Variants in STX8 observed in about 807,000 individuals in gnomAD.
The protein encoded by STX8 is syntaxin-8.
A neutral mutation model predicts 37.5 loss-of-function variants in STX8; 23 were observed. The ratio of observed to expected loss-of-function variants is 0.61; its 90% confidence interval spans 0.44 to 0.87. The LOEUF (loss-of-function observed/expected upper bound fraction) is 0.87, where lower values mean the gene tolerates loss of function less well. Ranked by LOEUF, STX8 falls within the 40% of genes least tolerant of loss-of-function variation. The pLI is 0.00. For missense variants in STX8, 313 were observed against 284.7 expected (o/e 1.10, Z -0.71); for synonymous variants, 115 against 99.1 (o/e 1.16, Z -0.95).
At chr17:9,427,254 C>T (rs1913669467) in intron 6 of STX8, among the ~76,000 whole-genome samples, 1 of 152,088 alleles carries the variant, frequency 6.6e-6, no homozygotes, top group African/African-American at 2.4e-5. Context: ...TCTATCACAC[C>T]ATGTCACAGG....
At chr17:9,368,604 C>T (rs1250067741) in intron 7 of STX8, among the ~76,000 whole-genome samples, 2 of 152,226 alleles carry the variant, frequency 1.3e-5, no homozygotes, top group African/African-American at 4.8e-5. Context: ...TGCCCCTCCA[C>T]ACCTCTCTTC....
intron 6 of STX8, among the ~76,000 whole-genome samples, chr17:9,485,041 C>A (rs1906523719): frequency 6.6e-6 from 1 of 152,156 alleles, no homozygotes; most frequent in Admixed American, 6.5e-5. Flanking sequence ...GTGGTCCCGG[C>A]TACTGAGGAG....
intron 6 of STX8, among the ~76,000 whole-genome samples, chr17:9,438,310 C>A (rs1597672322): frequency 6.6e-6 from 1 of 150,824 alleles, no homozygotes; most frequent in Non-Finnish European, 1.5e-5. Flanking sequence ...CAACACACTA[C>A]CCCCCTCCCC....
chr17:9,258,746 C>G (rs930991438), intron 7 of STX8, among the ~76,000 whole-genome samples: 2 of 152,224 alleles, frequency 1.3e-5, no homozygotes, highest in Non-Finnish European at 1.5e-5. Flanking sequence ...TTTTCTTTCT[C>G]TGTATTGTGG....
At chr17:9,382,287 A>C (rs1419130804) in intron 6 of STX8, among the ~76,000 whole-genome samples, 1 of 152,208 alleles carries the variant, frequency 6.6e-6, no homozygotes, top group African/African-American at 2.4e-5. Context: ...GGAAAGGGGT[A>C]AAGAGGAACA....
intron 7 of STX8, among the ~76,000 whole-genome samples, chr17:9,331,543 C>G (rs1304567135): frequency 2.0e-5 from 3 of 152,108 alleles, no homozygotes; most frequent in Admixed American, 6.5e-5. Context: ...AAAGCAGGAC[C>G]GAGGCCGGGT....
intron 5 of STX8, among the ~76,000 whole-genome samples, chr17:9,497,386 G>A (rs1904446354): frequency 6.6e-6 from 1 of 152,198 alleles, no homozygotes; most frequent in Admixed American, 6.5e-5. Context: ...TTCCAAAACA[G>A]TATTTATCTT....
At chr17:9,519,247 C>T (rs995636789) in intron 4 of STX8, among the ~76,000 whole-genome samples, 1 of 152,144 alleles carries the variant, frequency 6.6e-6, no homozygotes, top group African/African-American at 2.4e-5. Flanking sequence ...GGTATTCCTC[C>T]CCAAACTCAA....
At chr17:9,533,883 G>C (rs990263737) in intron 4 of STX8, among the ~76,000 whole-genome samples, 2 of 152,082 alleles carry the variant, frequency 1.3e-5, no homozygotes, top group African/African-American at 4.8e-5. Flanking sequence ...ACTGCTCAGA[G>C]ACCATAACCT....
At chr17:9,359,813 T>G (rs1039675262) in intron 7 of STX8, among the ~76,000 whole-genome samples, 2 of 152,002 alleles carry the variant, frequency 1.3e-5, no homozygotes, top group African/African-American at 4.8e-5. Flanking sequence ...TGGACTGTGA[T>G]AGGAGTTTTA....
At chr17:9,339,658 T>TCTA (rs895172258) in intron 7 of STX8, among the ~76,000 whole-genome samples, 26 of 151,060 alleles carry the variant, frequency 1.7e-4, no homozygotes, top group Non-Finnish European at 3.7e-4. Flanking sequence ...TGAGACACCA[T>TCTA]CTAAAAAAAA....
In STX8 at chr17:9,353,981, T is replaced by C. The variant is rs189211806; in HGVS notation, c.643+24571A>G. Among the ~76,000 whole-genome samples, 612 of 152,298 alleles carry C rather than the reference T, an allele frequency of 4.0e-3. 4 individuals are homozygous for C. The highest frequency in any genetic ancestry group is 0.014 in the African/African-American group (573 of 41,578). On this transcript the variant is annotated intron_variant, in intron 7 of 7. Transcript: ENST00000306357. ...TTCTACCTGCTCCTTCTGACTTTCCTCCTCATCAAAAGCACTCACTTTTCA... is the reference window on the plus strand; with the variant it reads ...TTCTACCTGCTCCTTCTGACTTTCCCCCTCATCAAAAGCACTCACTTTTCA...
chr17:9,432,041 C>A (rs895475877), intron 6 of STX8, among the ~76,000 whole-genome samples: 2 of 152,164 alleles, frequency 1.3e-5, no homozygotes, highest in African/African-American at 2.4e-5. Context: ...ACTTCACCAT[C>A]ATTTTAAGTT....
intron 6 of STX8, among the ~76,000 whole-genome samples, chr17:9,397,126 G>C (rs1467192245): frequency 6.6e-6 from 1 of 152,196 alleles, no homozygotes; most frequent in African/African-American, 2.4e-5. Context: ...GGCTGGGCGC[G>C]GTGGCCCACG....
chr17:9,423,973 C>T (rs1003841778), intron 6 of STX8, among the ~76,000 whole-genome samples: 2 of 152,154 alleles, frequency 1.3e-5, no homozygotes, highest in South Asian at 2.1e-4. Context: ...ACTTAGGCTT[C>T]GGCACACAAG....
At chr17:9,338,633 C>T (rs954779157) in intron 7 of STX8, among the ~76,000 whole-genome samples, 1 of 152,176 alleles carries the variant, frequency 6.6e-6, no homozygotes, top group African/African-American at 2.4e-5. Context: ...CTCTCTTCTA[C>T]TGATACAGCA....
At position 9,428,386 on chromosome 17, in the gene STX8, A is replaced by G. The variant is rs547219797; in HGVS notation, c.542-49733T>C. ...CTCCCGAGTAGCTGGGACTACAGGTACCCGCCACCACGCCCGGCTAATTTT... is the reference window on the plus strand; with the variant it reads ...CTCCCGAGTAGCTGGGACTACAGGTGCCCGCCACCACGCCCGGCTAATTTT... On this transcript the variant is annotated intron_variant, in intron 6 of 7. Coordinates refer to ENST00000306357, the MANE Select transcript of STX8 (RefSeq NM_004853.3). Among the ~76,000 whole-genome samples, 390 of 152,046 alleles carry G rather than the reference A, an allele frequency of 2.6e-3. 1 individual carries two copies. The highest frequency in any genetic ancestry group is 8.2e-3 in the African/African-American group (342 of 41,482).
intron 7 of STX8, among the ~76,000 whole-genome samples, chr17:9,269,060 G>A (rs948337724): frequency 6.6e-6 from 1 of 152,022 alleles, no homozygotes; most frequent in Admixed American, 6.6e-5. Flanking sequence ...GGTGGCGGGC[G>A]CCTGTAGTCC....
intron 6 of STX8, among the ~76,000 whole-genome samples, chr17:9,424,343 C>T (rs1334242890): frequency 6.6e-6 from 1 of 151,926 alleles, no homozygotes; most frequent in Non-Finnish European, 1.5e-5. Context: ...GGGGCCCTGC[C>T]TACTTTCTCA....
Sources: gnomAD v4.1 joint callset for allele counts (sites outside exome capture counted in the v4.1 genomes callset) on GRCh38, gnomAD v4.1.1 for gene constraint, MANE v1.5 for transcripts, NCBI Gene and HGNC (gene_info 2026-07-23, HGNC 2026-07-21) for gene names.